The following FAT3 variants were observed in gnomAD, a reference collection of about 807,000 sequenced individuals.
FAT3 encodes the protein protocadherin Fat 3.
In FAT3, 95 loss-of-function variants were observed where a neutral mutation model predicts 310.2. That is an observed-to-expected ratio of 0.31 (90% CI 0.26 to 0.36). The LOEUF is 0.36. Among genes scored for constraint, FAT3 ranks in the 10% least tolerant of loss-of-function variants. The probability of loss-of-function intolerance (pLI) is 1.00; values close to 1 mark genes in which losing one functional copy is unlikely to be tolerated. For synonymous variants in FAT3, 2,314 were observed against 2,192.9 expected, an observed-to-expected ratio of 1.06 and a Z score of -1.54; for missense variants, 5,408 against 5,715.6, an observed-to-expected ratio of 0.95 and a Z score of 1.74.
At chr11:92,830,918 G>C (rs918829397) in intron 13 of FAT3, among the ~76,000 whole-genome samples, 2 of 152,168 alleles carry the variant, frequency 1.3e-5, no homozygotes, top group Admixed American at 6.5e-5. Flanking sequence ...TAGAATAGAT[G>C]TGGAACCTGA....
chr11:92,803,095 G>A (rs1435456132), intron 10 of FAT3, among the ~76,000 whole-genome samples: 1 of 151,630 alleles, frequency 6.6e-6, no homozygotes, highest in East Asian at 1.9e-4. Context: ...GGTGAGTGAA[G>A]CATGACTTTA....
In FAT3 at chr11:92,225,372, A is replaced by G. The variant is rs184494249; in HGVS notation, c.-18+198A>G. Among the ~76,000 whole-genome samples the G allele has an allele frequency of 2.6e-3, 399 of 152,142 alleles. 3 individuals carry two copies. The highest frequency in any genetic ancestry group is 9.1e-3 in the African/African-American group (377 of 41,514). ...CGCGCAGCCCCGAGCCGCCGTTGCT[A>G]CCGCTGCAAACAGGAGAAGAGGGTG... On this transcript the variant is annotated intron_variant, in intron 1 of 27. Coordinates refer to ENST00000525166, the MANE Select transcript of FAT3 (RefSeq NM_001367949.2).
chr11:92,442,072 ATATATATTT>A, intron 2 of FAT3, among the ~76,000 whole-genome samples: 1 of 123,080 alleles, frequency 8.1e-6, no homozygotes, highest in African/African-American at 4.3e-5. Flanking sequence ...AACTTAAGAA[ATATATATTT>A]TATATATATA....
chr11:92,578,333 G>C (rs995962556), intron 3 of FAT3, among the ~76,000 whole-genome samples: 1 of 152,002 alleles, frequency 6.6e-6, no homozygotes, highest in African/African-American at 2.4e-5. Flanking sequence ...TCTTGAGGGT[G>C]GTTTGCTTAT....
At chr11:92,466,795 A>G (rs1367164143) in intron 2 of FAT3, among the ~76,000 whole-genome samples, 4 of 130,488 alleles carry the variant, frequency 3.1e-5, no homozygotes, top group Non-Finnish European at 4.6e-5. Flanking sequence ...ATGTGTTCTC[A>G]TTGTTCAATT....
intron 3 of FAT3, among the ~76,000 whole-genome samples, chr11:92,543,833 G>A (rs761145257): frequency 4.6e-5 from 7 of 152,166 alleles, no homozygotes; most frequent in Non-Finnish European, 8.8e-5. Flanking sequence ...GTCAGGCACT[G>A]TGTTAGGCCC....
intron 4 of FAT3, among the ~76,000 whole-genome samples, chr11:92,698,098 A>C (rs1943992390): frequency 6.6e-6 from 1 of 152,222 alleles, no homozygotes; most frequent in Admixed American, 6.5e-5. Context: ...TTTGTATGAC[A>C]CCGTGATTTA....
intron 3 of FAT3, among the ~76,000 whole-genome samples, chr11:92,583,644 C>G (rs1372165268): frequency 6.6e-6 from 1 of 152,004 alleles, no homozygotes; most frequent in African/African-American, 2.4e-5. Context: ...TCCCGCTTTA[C>G]CCAGCCCTGC....
intron 4 of FAT3, among the ~76,000 whole-genome samples, chr11:92,735,846 T>C (rs1187294023): frequency 6.6e-6 from 1 of 151,946 alleles, no homozygotes; most frequent in African/African-American, 2.4e-5. Flanking sequence ...CTGAAAGTAA[T>C]GGGTTCTCTA....
chr11:92,694,365 A>G (rs1943878659), intron 3 of FAT3, among the ~76,000 whole-genome samples: 1 of 152,200 alleles, frequency 6.6e-6, no homozygotes, highest in Non-Finnish European at 1.5e-5. Flanking sequence ...TTTTTACTCC[A>G]GGAACAGAAA....
chr11:92,462,137 C>G (rs1951653064), intron 2 of FAT3, among the ~76,000 whole-genome samples: 1 of 151,974 alleles, frequency 6.6e-6, no homozygotes, highest in Non-Finnish European at 1.5e-5. Flanking sequence ...TATTATTTTG[C>G]TTTTTGAGGT....
In FAT3 at chr11:92,801,099, A is replaced by G. The variant is rs775597310; in HGVS notation, c.8086A>G (p.Ile2696Val). The change falls in exon 10 of 28, where the codon ATC becomes GTC. Residue 2696 changes from isoleucine (I) to valine (V), a missense_variant. Transcript: ENST00000525166. ...PVKHSLIPVY[I>V]HVLPPETFLP... ...AAAGCACTCCCTCATTCCTGTCTATATCCACGTCTTGCCCCCTGAAACGTT... is the reference window on the plus strand; with the variant it reads ...AAAGCACTCCCTCATTCCTGTCTATGTCCACGTCTTGCCCCCTGAAACGTT... The G allele has an allele frequency of 9.3e-6, 15 of 1,613,808 alleles. No homozygotes were observed. The highest frequency in any genetic ancestry group is 5.3e-5 in the African/African-American group (4 of 74,910).
chr11:92,603,357 G>C (rs1940121611), intron 3 of FAT3, among the ~76,000 whole-genome samples: 1 of 152,190 alleles, frequency 6.6e-6, no homozygotes, highest in Admixed American at 6.5e-5. Flanking sequence ...ACTCACCAAA[G>C]CATAGATGAG....
chr11:92,493,029 C>A (rs1325247402), intron 2 of FAT3, among the ~76,000 whole-genome samples: 1 of 152,032 alleles, frequency 6.6e-6, no homozygotes, highest in Non-Finnish European at 1.5e-5. Context: ...CTCCCTCAAA[C>A]TTAAGTAGAT....
rs1441854888 is a variant in FAT3 at position 92,844,657 on chromosome 11, C to T, written c.11290C>T (p.Leu3764Phe). The change falls in exon 19 of 28, where the codon CTC becomes TTC. Residue 3764 changes from leucine to phenylalanine, a missense_variant. Leu to Phe is a conservative substitution (Grantham distance 22). Transcript: ENST00000525166. ...EQGLSLDSHA[L>F]MTYSTARISF... Reference sequence around the variant, plus strand: ...AGGCTTGTCACTCGATTCCCACGCGCTCATGACCTACAGCACGGCTCGCAT... The same window carrying T: ...AGGCTTGTCACTCGATTCCCACGCGTTCATGACCTACAGCACGGCTCGCAT... 1 of 1,608,066 alleles carries T rather than the reference C, an allele frequency of 6.2e-7. No homozygotes were observed. Among genetic ancestry groups the T allele is most frequent in the African/African-American group, 1.3e-5 (1 of 74,986 alleles).
chr11:92,868,976 C>T (rs1949317057), intron 22 of FAT3, among the ~76,000 whole-genome samples: 1 of 152,174 alleles, frequency 6.6e-6, no homozygotes, highest in Non-Finnish European at 1.5e-5. Context: ...TTGTCTTGCC[C>T]TCCCTAGGGC....
intron 4 of FAT3, among the ~76,000 whole-genome samples, chr11:92,761,450 G>A (rs755763413): frequency 3.9e-5 from 6 of 152,156 alleles, no homozygotes; most frequent in Non-Finnish European, 7.4e-5. Flanking sequence ...ATGAAGACTG[G>A]AAAGTCCAAG....
At chr11:92,724,318 A>G (rs1944938586) in intron 4 of FAT3, among the ~76,000 whole-genome samples, 1 of 152,144 alleles carries the variant, frequency 6.6e-6, no homozygotes, top group Admixed American at 6.5e-5. Context: ...GTACAGCAAG[A>G]GCAGCAACTA....
At chr11:92,278,464 C>T (rs1946335314) in intron 1 of FAT3, among the ~76,000 whole-genome samples, 1 of 151,976 alleles carries the variant, frequency 6.6e-6, no homozygotes, top group Non-Finnish European at 1.5e-5. Context: ...TTTGGGTTTC[C>T]TAAGTGCAAT....
Sources: allele counts gnomAD v4.1 joint callset (sites outside exome capture counted in the v4.1 genomes callset), GRCh38; gene constraint gnomAD v4.1.1; transcripts MANE v1.5; gene names NCBI Gene and HGNC (gene_info 2026-07-23, HGNC 2026-07-21).